The following CEP76 variants were observed in gnomAD, a reference collection of about 807,000 sequenced individuals.
The protein encoded by CEP76 is centrosomal protein 76.
In CEP76, 55 loss-of-function variants were observed where a neutral mutation model predicts 83.3. The ratio of observed to expected loss-of-function variants is 0.66; its 90% CI spans 0.53 to 0.83. CEP76 has a LOEUF of 0.83. CEP76 is among the 40% of genes least tolerant of loss of function. The probability of loss-of-function intolerance (pLI) is 0.00; values close to 1 mark genes in which losing one functional copy is unlikely to be tolerated. For missense variants in CEP76, 694 were observed against 799.5 expected (o/e 0.87, Z 1.59); for synonymous variants, 270 against 274.5 (o/e 0.98, Z 0.16).
In CEP76 at chr18:12,702,682, G is replaced by C. The variant is rs1459335187; in HGVS notation, c.-134C>G. 9.8e-7 allele frequency: 1 copy of C among 1,016,716 alleles called. No homozygotes were observed. The highest frequency in any genetic ancestry group is 1.4e-6 in the Non-Finnish European group (1 of 725,030). 63.0% of individuals were successfully genotyped at this position (1,016,716 alleles called of 1,614,324 possible). A position where few individuals can be genotyped will look rare whatever the true frequency, so the allele number is the denominator to read the frequency against. ...AGCCGTTCGCCTAGCGCAGCTCCCG[G>C]GGGACGCAACGCCGCGTCAGGCCGG... On this transcript the variant is annotated 5_prime_UTR_variant, in exon 1 of 12. Transcript: ENST00000262127.
chr18:12,666,295 C>T (rs1202235674), intron 12 of CEP76, among the ~76,000 whole-genome samples: 1 of 152,098 alleles, frequency 6.6e-6, no homozygotes, highest in Non-Finnish European at 1.5e-5. Context: ...CACCCCTGCA[C>T]TCTAGCCTGG....
intron 3 of CEP76, 30 bp downstream of exon 3, chr18:12,699,800 A>G (rs1598667475): frequency 8.0e-7 from 1 of 1,257,840 alleles, no homozygotes; most frequent in Middle Eastern, 2.6e-4. Context: ...ACTATTAACC[A>G]CAACTAAATT....
downstream of CEP76, among the ~76,000 whole-genome samples, chr18:12,668,570 C>G (rs938456178): frequency 4.3e-5 from 5 of 116,402 alleles, no homozygotes; most frequent in African/African-American, 1.6e-4. Flanking sequence ...TGCACTCCAG[C>G]CTGGGAGACA....
Position 12,702,531 on chromosome 18 carries a change from C to A in CEP76, c.18G>T (p.Glu6Asp), listed in dbSNP as rs947583092. 1.5e-5 allele frequency: 24 copies of A among 1,608,426 alleles called. No homozygotes were observed. The highest frequency in any genetic ancestry group is 4.0e-5 in the African/African-American group (3 of 74,608). ...TGAGCTGCTTCAGCTCGGAGGCTTT[C>A]TCCGGAGGCAGCGACATGCTGGCAG... The part of the protein sequence containing the change: MSLPP[E>D]KASELKQLIH... Residue 6 changes from glutamate to aspartate, a missense_variant, in exon 1 of 12, where the codon GAG (glutamate) becomes GAT (aspartate). Coordinates refer to ENST00000262127, the MANE Select transcript of CEP76 (RefSeq NM_024899.4).
chr18:12,682,268 C>T (rs1345354516), intron 8 of CEP76, among the ~76,000 whole-genome samples: 1 of 151,760 alleles, frequency 6.6e-6, no homozygotes, highest in African/African-American at 2.4e-5. Context: ...CAGCTCACTG[C>T]AGCCTTGATG....
Position 12,702,505 on chromosome 18 carries a change from A to T in CEP76, c.44T>A (p.Ile15Asn). The change falls in exon 1 of 12, where the codon ATC (isoleucine) becomes AAC (asparagine). Residue 15 changes from isoleucine to asparagine, a missense_variant. Coordinates refer to ENST00000262127, the MANE Select transcript of CEP76 (RefSeq NM_024899.4). ...PEKASELKQL[I>N]HQQLSKMDVH... is the part of the protein sequence containing the mutation. ...TCTCACCTTGCTCAGCTGCTGGTGG[A>T]TGAGCTGCTTCAGCTCGGAGGCTTT... is the stretch of plus-strand genomic sequence containing the variant. The T allele has an allele frequency of 6.2e-7, 1 of 1,609,822 alleles. No homozygotes were observed. Among genetic ancestry groups the T allele is most frequent in the Non-Finnish European group, 8.5e-7 (1 of 1,178,612 alleles).
rs1325848152 is a variant in CEP76 at position 12,702,716 on chromosome 18, C to T, written c.-168G>A. 1 of 714,950 alleles carries T rather than the reference C, an allele frequency of 1.4e-6. No individual in the cohort carries two copies. Among genetic ancestry groups the T allele is most frequent in the Admixed American group, 3.2e-5 (1 of 30,910 alleles). The allele number at this position is 714,950 out of a possible 1,614,324, so 44.3% of individuals were successfully genotyped here. On this transcript the variant is annotated 5_prime_UTR_variant, in exon 1 of 12. Coordinates refer to ENST00000262127, the MANE Select transcript of CEP76 (RefSeq NM_024899.4). Reference sequence around the variant, plus strand: ...ACGCCGCGTCAGGCCGGGGGCTGACCTGGAAATGAGGCCCCGGCGGCGGCG... The same window carrying T: ...ACGCCGCGTCAGGCCGGGGGCTGACTTGGAAATGAGGCCCCGGCGGCGGCG...
chr18:12,676,923 G>A (rs1225290516), intron 10 of CEP76, among the ~76,000 whole-genome samples: 1 of 152,134 alleles, frequency 6.6e-6, no homozygotes, highest in Non-Finnish European at 1.5e-5. Context: ...GGTGAGGAGT[G>A]GAACAGGGAA....
intron 2 of CEP76, 64 bp downstream of exon 2, chr18:12,700,894 A>T: frequency 7.4e-7 from 1 of 1,346,352 alleles, no homozygotes; most frequent in Non-Finnish European, 1.0e-6. Context: ...GGAACCTTAT[A>T]AGTAGTGTTA....
At chr18:12,679,064 G>C (rs1350945921) in intron 9 of CEP76, 3 of 152,184 alleles carry the variant, frequency 2.0e-5, no homozygotes, top group African/African-American at 7.2e-5. Flanking sequence ...CAGGGAGAAA[G>C]AGGACTCGGG....
At chr18:12,701,573 T>C (rs971661449) in intron 1 of CEP76, among the ~76,000 whole-genome samples, 1 of 152,110 alleles carries the variant, frequency 6.6e-6, no homozygotes, top group Admixed American at 6.6e-5. Flanking sequence ...CCTCTCACGA[T>C]AGTGTTGTGA....
Position 12,702,318 on chromosome 18 carries a change from G to A in CEP76, c.63+168C>T. On this transcript the variant is annotated intron_variant, in intron 1 of 11. Coordinates refer to ENST00000262127, the MANE Select transcript of CEP76 (RefSeq NM_024899.4). ...GCTCGTTTTCTTTCTCGGAGACGAG[G>A]ACGCTCTCCTGCCTCAAACTCAAAG... is the stretch of plus-strand genomic sequence containing the variant. 3 of 565,584 alleles carry A rather than the reference G, an allele frequency of 5.3e-6. No individual in the cohort carries two copies. The South Asian group carries it at 6.5e-5, about 12-fold the overall frequency. 35.0% of individuals were successfully genotyped at this position (565,584 alleles called of 1,614,324 possible). A position where few individuals can be genotyped will look rare whatever the true frequency, so the allele number is the denominator to read the frequency against.
intron 8 of CEP76, chr18:12,684,707 T>A (rs997031281): frequency 1.3e-5 from 2 of 151,804 alleles, no homozygotes; most frequent in African/African-American, 4.8e-5. Context: ...GTTCTAGAAC[T>A]CCCGACCACA....
intron 10 of CEP76, among the ~76,000 whole-genome samples, chr18:12,675,532 A>AC (rs1328241046): frequency 6.6e-6 from 1 of 152,238 alleles, no homozygotes; most frequent in Non-Finnish European, 1.5e-5. Flanking sequence ...GTGATTAAAC[A>AC]AATATTTACT....
chr18:12,671,683 C>T (rs2038951452), downstream of CEP76, among the ~76,000 whole-genome samples: 1 of 120,560 alleles, frequency 8.3e-6, no homozygotes, highest in Non-Finnish European at 1.6e-5. Flanking sequence ...GAGTCTTGCT[C>T]TGTCACCCAG....
At chr18:12,684,383 G>A (rs1225715803) in intron 8 of CEP76, 3 of 151,890 alleles carry the variant, frequency 2.0e-5, no homozygotes, top group Non-Finnish European at 2.9e-5. Context: ...CCCAAGTGCT[G>A]GAATTGCGGG....
downstream of CEP76, chr18:12,670,329 CA>C (rs201302290): frequency 4.9e-5 from 7 of 143,030 alleles, no homozygotes; most frequent in Admixed American, 2.1e-4. Flanking sequence ...GACTCTGTCT[CA>C]AAAAAAAAAG....
chr18:12,695,281 C>T lies in CEP76; in HGVS notation c.777G>A (p.Thr259=), dbSNP rs140666186. 1.2e-5 allele frequency: 18 copies of T among 1,554,172 alleles called. No homozygotes were observed. The highest frequency in any genetic ancestry group is 6.8e-5 in the African/African-American group (5 of 73,204). The change falls in exon 6 of 12, where the codon ACG becomes ACA. Residue 259 remains threonine (T), a synonymous_variant. Coordinates refer to ENST00000262127, the MANE Select transcript of CEP76 (RefSeq NM_024899.4). ...KLEMYPPLNQ[T]LSQEVVNTQL... is the part of the protein sequence containing the mutation. ...GTGTGTTCACTACTTCTTGAGATAA[C>T]GTTTGATTGAGTGGTGGATACATTT...
At chr18:12,690,407 T>G (rs1248219859) in intron 7 of CEP76, among the ~76,000 whole-genome samples, 1 of 152,068 alleles carries the variant, frequency 6.6e-6, no homozygotes, top group Non-Finnish European at 1.5e-5. Context: ...ACAAAATATT[T>G]GAACTGTTCC....
Sources: allele counts gnomAD v4.1 joint callset (sites outside exome capture counted in the v4.1 genomes callset), GRCh38; gene constraint gnomAD v4.1.1; transcripts MANE v1.5; gene names NCBI Gene and HGNC (gene_info 2026-07-23, HGNC 2026-07-21).